Variants in ROR1 observed in about 807,000 individuals in gnomAD.
The protein encoded by ROR1 is ROR family WNT receptor 1.
A neutral mutation model predicts 78.8 loss-of-function variants in ROR1; 19 were observed. That is an observed-to-expected ratio of 0.24 (90% confidence interval 0.17 to 0.35). The LOEUF (loss-of-function observed/expected upper bound fraction) is 0.35. Among genes scored for constraint, ROR1 ranks in the 10% least tolerant of loss-of-function variants. The probability of loss-of-function intolerance (pLI) is 1.00; values close to 1 mark genes in which losing one functional copy is unlikely to be tolerated. For missense variants in ROR1, 917 were observed against 1,177.8 expected (o/e 0.78, Z 3.24); for synonymous variants, 386 against 433.6 (o/e 0.89, Z 1.36).
chr1:64,146,617 A>G (rs2100717648), intron 7 of ROR1, among the ~76,000 whole-genome samples: 1 of 152,332 alleles, frequency 6.6e-6, no homozygotes, highest in Non-Finnish European at 1.5e-5. Flanking sequence ...CAGAAGCTGG[A>G]AGACATATTG....
intron 2 of ROR1, among the ~76,000 whole-genome samples, chr1:64,011,086 G>T (rs1646471037): frequency 1.3e-5 from 2 of 152,168 alleles, no homozygotes; most frequent in South Asian, 2.1e-4. Context: ...TATTTTGCTG[G>T]TTATACTTTA....
At chr1:63,925,384 G>C (rs1435857599) in intron 1 of ROR1, among the ~76,000 whole-genome samples, 1 of 151,412 alleles carries the variant, frequency 6.6e-6, no homozygotes, top group African/African-American at 2.4e-5. Flanking sequence ...TGGTGTATAT[G>C]TGCCACATTT....
At chr1:64,131,008 A>G (rs774402076) in intron 4 of ROR1, among the ~76,000 whole-genome samples, 2 of 152,202 alleles carry the variant, frequency 1.3e-5, no homozygotes, top group Admixed American at 6.5e-5. Context: ...TTTTCCATTT[A>G]TTCATGGCCA....
intron 1 of ROR1, among the ~76,000 whole-genome samples, chr1:63,998,032 T>C (rs1646352608): frequency 6.6e-6 from 1 of 152,130 alleles, no homozygotes; most frequent in East Asian, 1.9e-4. Flanking sequence ...AGCTGGTGTG[T>C]AACAGAGCTG....
chr1:63,899,438 T>A (rs1335776560), intron 1 of ROR1, among the ~76,000 whole-genome samples: 1 of 152,180 alleles, frequency 6.6e-6, no homozygotes, highest in South Asian at 2.1e-4. Context: ...TAAATTTGCA[T>A]ACTTTGTAGC....
Position 64,154,334 on chromosome 1 carries a change from A to G in ROR1, c.1175-4647A>G, listed in dbSNP as rs540280568. Among the ~76,000 whole-genome samples the G allele has an allele frequency of 5.3e-5, 8 of 152,338 alleles. No individual in the cohort carries two copies. The South Asian group carries it at 6.2e-4, about 12-fold the overall frequency. Reference sequence around the variant, plus strand: ...CCAACCTGCTTATTTTATAGTTTTCAAGTAATAAATTGGTAGTGATTCCTG... The same window carrying G: ...CCAACCTGCTTATTTTATAGTTTTCGAGTAATAAATTGGTAGTGATTCCTG... On this transcript the variant is annotated intron_variant, in intron 7 of 8. Transcript: ENST00000371079.
At chr1:64,135,091 T>A (rs1346323381) in intron 4 of ROR1, among the ~76,000 whole-genome samples, 1 of 152,054 alleles carries the variant, frequency 6.6e-6, no homozygotes, top group Non-Finnish European at 1.5e-5. Context: ...GTTTTGGGGT[T>A]TTTTTGTGTT....
At chr1:63,978,283 G>A (rs554090129) in intron 1 of ROR1, among the ~76,000 whole-genome samples, 2 of 152,340 alleles carry the variant, frequency 1.3e-5, no homozygotes, top group South Asian at 4.1e-4. Context: ...TCAGGAGATT[G>A]TTTACAACTT....
At chr1:63,876,195 A>T (rs988304505) in intron 1 of ROR1, among the ~76,000 whole-genome samples, 4 of 152,138 alleles carry the variant, frequency 2.6e-5, no homozygotes, top group Admixed American at 2.6e-4. Flanking sequence ...TTCTAATAAG[A>T]TGGAGTGAAG....
At chr1:64,173,247 C>T (rs1389914001) in intron 8 of ROR1, among the ~76,000 whole-genome samples, 1 of 152,126 alleles carries the variant, frequency 6.6e-6, no homozygotes, top group African/African-American at 2.4e-5. Flanking sequence ...CAAAGCAAAC[C>T]CCCCAAATTT....
intron 6 of ROR1, among the ~76,000 whole-genome samples, chr1:64,140,833 G>A (rs557999169): frequency 3.3e-5 from 5 of 152,176 alleles, no homozygotes; most frequent in African/African-American, 1.2e-4. Context: ...AACAAATTGT[G>A]GTATATCCAG....
At chr1:63,938,827 C>T (rs1294088643) in intron 1 of ROR1, among the ~76,000 whole-genome samples, 2 of 152,080 alleles carry the variant, frequency 1.3e-5, no homozygotes, top group South Asian at 4.1e-4. Flanking sequence ...GAGACCCTGT[C>T]TCTACAACAA....
At chr1:64,175,122 A>T (rs976443252) in intron 8 of ROR1, among the ~76,000 whole-genome samples, 2 of 151,974 alleles carry the variant, frequency 1.3e-5, no homozygotes, top group African/African-American at 4.8e-5. Flanking sequence ...ATAGAAAAGC[A>T]GAACCTCTGC....
chr1:64,138,744 A>C lies in ROR1; in HGVS notation c.610+1248A>C, dbSNP rs111507075. On this transcript the variant is annotated intron_variant, in intron 5 of 8. Coordinates refer to ENST00000371079, the MANE Select transcript of ROR1 (RefSeq NM_005012.4). The stretch of plus-strand genomic sequence containing the variant: ...TGCCATTTTCTGAAGCCCTCATTTC[A>C]ACAGGAAGAGAATTCTGAAATTTCA... Among the ~76,000 whole-genome samples, 1,298 of 152,210 alleles carry C rather than the reference A, an allele frequency of 8.5e-3. 12 individuals are homozygous for C. Among genetic ancestry groups the C allele is most frequent in the African/African-American group, 0.03 (1,250 of 41,540 alleles).
In ROR1 at chr1:64,049,697, A is replaced by G. The variant is rs1434161407; in HGVS notation, c.170A>G (p.Tyr57Cys). 4 of 1,613,370 alleles carry G rather than the reference A, an allele frequency of 2.5e-6. No homozygotes were observed. The highest frequency in any genetic ancestry group is 3.4e-6 in the Non-Finnish European group (4 of 1,179,634). Residue 57 changes from tyrosine to cysteine, a missense_variant, in exon 3 of 9, where the codon TAC (tyrosine) becomes TGC (cysteine). This residue lies in a region of ROR1 where 19 missense variants were observed against 50.9 expected (regional missense o/e 0.37). Coordinates refer to ENST00000371079, the MANE Select transcript of ROR1 (RefSeq NM_005012.4). ...CTCCTCTCTGTGCTCACAGATTCTT[A>G]CCTGACCCTCGATGAACCAATGAAT... is the stretch of plus-strand genomic sequence containing the variant. Reference protein sequence around the residue: ...NISSELNKDSYLTLDEPMNNI... With the variant: ...NISSELNKDSCLTLDEPMNNI...
intron 1 of ROR1, among the ~76,000 whole-genome samples, chr1:63,931,366 C>T (rs1298619605): frequency 6.6e-6 from 1 of 152,064 alleles, no homozygotes; most frequent in Admixed American, 6.6e-5. Context: ...AAGAGGTGTA[C>T]GTAGCTCTGA....
At chr1:63,902,583 C>G (rs1464675636) in intron 1 of ROR1, among the ~76,000 whole-genome samples, 1 of 152,092 alleles carries the variant, frequency 6.6e-6, no homozygotes, top group Non-Finnish European at 1.5e-5. Flanking sequence ...CTCAGCCCCC[C>G]AAAGTGCTGA....
chr1:63,965,345 C>T (rs1234325453), intron 1 of ROR1, among the ~76,000 whole-genome samples: 2 of 152,120 alleles, frequency 1.3e-5, no homozygotes, highest in African/African-American at 4.8e-5. Context: ...CCTTGCTTCT[C>T]GGCACTTGCT....
At chr1:63,973,125 C>G (rs11803985) in intron 1 of ROR1, among the ~76,000 whole-genome samples, 2 of 152,218 alleles carry the variant, frequency 1.3e-5, no homozygotes, top group Admixed American at 1.3e-4. Flanking sequence ...CAATACTCCA[C>G]CTCTTTGCCC....
Sources: allele counts gnomAD v4.1 joint callset (sites outside exome capture counted in the v4.1 genomes callset), GRCh38; gene constraint gnomAD v4.1.1; regional missense constraint gnomAD v4.1.1; transcripts MANE v1.5; gene names NCBI Gene and HGNC (gene_info 2026-07-23, HGNC 2026-07-21).